The following KHDRBS2 variants were observed in gnomAD, a reference collection of about 807,000 sequenced individuals.
KHDRBS2 encodes KH domain-containing, RNA-binding, signal transduction-associated protein 2.
In KHDRBS2, 26 loss-of-function variants were observed where a neutral mutation model predicts 44.3. That is an observed-to-expected ratio of 0.59 (90% confidence interval 0.43 to 0.81). The LOEUF (loss-of-function observed/expected upper bound fraction) is 0.81, where lower values mean the gene tolerates loss of function less well. KHDRBS2 is among the 40% of genes least tolerant of loss of function. KHDRBS2 has a pLI of 0.00. For synonymous variants in KHDRBS2, 194 were observed against 151.1 expected, an observed-to-expected ratio of 1.28 and a Z score of -2.08; for missense variants, 476 against 433.1, an observed-to-expected ratio of 1.10 and a Z score of -0.88.
At chr6:62,026,986 C>T (rs902927460) in intron 3 of KHDRBS2, among the ~76,000 whole-genome samples, 2 of 150,578 alleles carry the variant, frequency 1.3e-5, no homozygotes, top group African/African-American at 4.9e-5. Flanking sequence ...AATTTTATTC[C>T]AATTATGGTT....
the KHDRBS2 span, among the ~76,000 whole-genome samples, chr6:61,640,067 GGT>G: frequency 3.3e-5 from 5 of 151,906 alleles, no homozygotes; most frequent in African/African-American, 1.2e-4. Flanking sequence ...AAGAATCTGT[GGT>G]ATGAGAAAGG....
At chr6:61,936,051 T>C (rs1516715) in intron 4 of KHDRBS2, among the ~76,000 whole-genome samples, 132,974 of 152,036 alleles carry the variant, frequency 0.87, 58,669 homozygotes, top group African/African-American at 0.97. Context: ...GTCTATGTAC[T>C]CAGAAACAAG....
intron 1 of KHDRBS2, among the ~76,000 whole-genome samples, chr6:62,201,388 G>A (rs1305280275): frequency 6.6e-6 from 1 of 152,186 alleles, no homozygotes; most frequent in Middle Eastern, 3.4e-3. Flanking sequence ...AGAAGGGGCT[G>A]TGAATCATTT....
At chr6:62,026,903 T>C (rs1182146217) in intron 3 of KHDRBS2, among the ~76,000 whole-genome samples, 3 of 152,158 alleles carry the variant, frequency 2.0e-5, no homozygotes, top group Non-Finnish European at 4.4e-5. Context: ...TGTCTAATAC[T>C]TTTTGGCCAG....
At chr6:61,561,743 A>T in the KHDRBS2 span, among the ~76,000 whole-genome samples, 1 of 152,138 alleles carries the variant, frequency 6.6e-6, no homozygotes, top group Non-Finnish European at 1.5e-5. Context: ...CCCTCAGGGC[A>T]GTGGGCTCCT....
At chr6:62,122,038 C>T (rs1159650323) in intron 2 of KHDRBS2, among the ~76,000 whole-genome samples, 1 of 151,998 alleles carries the variant, frequency 6.6e-6, no homozygotes, top group Non-Finnish European at 1.5e-5. Flanking sequence ...TGTGTTACTC[C>T]AGCCCATTTA....
chr6:62,138,557 C>T (rs1470137760), intron 2 of KHDRBS2, among the ~76,000 whole-genome samples: 4 of 152,116 alleles, frequency 2.6e-5, no homozygotes, highest in African/African-American at 4.8e-5. Context: ...GATTCTACAG[C>T]GAGTCGCTCA....
At chr6:62,026,440 T>TG (rs199909533) in intron 3 of KHDRBS2, among the ~76,000 whole-genome samples, 1 of 109,054 alleles carries the variant, frequency 9.2e-6, no homozygotes, top group Non-Finnish European at 2.3e-5. Flanking sequence ...TTATTATTAT[T>TG]TTTTTTTTTG....
chr6:61,853,415 T>C (rs567759146), intron 6 of KHDRBS2, among the ~76,000 whole-genome samples: 42 of 152,290 alleles, frequency 2.8e-4, no homozygotes, highest in African/African-American at 9.4e-4. Context: ...AAAAGTTGCA[T>C]AAACATAATT....
At chr6:61,868,456 C>G (rs968032291) in intron 6 of KHDRBS2, among the ~76,000 whole-genome samples, 1 of 152,136 alleles carries the variant, frequency 6.6e-6, no homozygotes, top group Admixed American at 6.5e-5. Context: ...AATCAGGGTC[C>G]TGCTTAATGT....
chr6:61,848,583 A>ATATATGTG (rs1794984222), intron 6 of KHDRBS2, among the ~76,000 whole-genome samples: 1 of 104,394 alleles, frequency 9.6e-6, no homozygotes, highest in South Asian at 3.1e-4. Flanking sequence ...ATACATATAT[A>ATATATGTG]TATATATATA....
At chr6:61,891,295 G>T (rs552735265) in intron 6 of KHDRBS2, among the ~76,000 whole-genome samples, 15 of 152,300 alleles carry the variant, frequency 9.8e-5, no homozygotes, top group African/African-American at 3.4e-4. Context: ...AGAAGACCAT[G>T]GTGGATAAGC....
At chr6:61,779,351 A>G (rs1311917825) in intron 6 of KHDRBS2, among the ~76,000 whole-genome samples, 1 of 152,150 alleles carries the variant, frequency 6.6e-6, no homozygotes, top group South Asian at 2.1e-4. Context: ...ATAGTGAAAG[A>G]CAGATTTTTG....
At chr6:61,602,578 A>G in the KHDRBS2 span, among the ~76,000 whole-genome samples, 1 of 152,094 alleles carries the variant, frequency 6.6e-6, no homozygotes, top group African/African-American at 2.4e-5. Context: ...CTGAACACTG[A>G]CACTGCCCGA....
intron 6 of KHDRBS2, among the ~76,000 whole-genome samples, chr6:61,820,234 A>G (rs1177955903): frequency 6.6e-6 from 1 of 152,044 alleles, no homozygotes; most frequent in Non-Finnish European, 1.5e-5. Context: ...AGATGACACT[A>G]GAAGACTTTC....
At chr6:61,841,378 A>AC (rs1793577014) in intron 6 of KHDRBS2, among the ~76,000 whole-genome samples, 1 of 151,876 alleles carries the variant, frequency 6.6e-6, no homozygotes, top group Admixed American at 6.6e-5. Flanking sequence ...GACATAAAAT[A>AC]ATTCAACTTG....
At chr6:62,182,431 A>C (rs2150126316) in intron 1 of KHDRBS2, among the ~76,000 whole-genome samples, 1 of 152,120 alleles carries the variant, frequency 6.6e-6, no homozygotes, top group African/African-American at 2.4e-5. Flanking sequence ...TGTTGGCTTA[A>C]AAATTTGCTA....
intron 1 of KHDRBS2, among the ~76,000 whole-genome samples, chr6:62,212,989 T>C (rs1829343157): frequency 6.6e-6 from 1 of 151,994 alleles, no homozygotes. Context: ...AATATTTCAG[T>C]AGAATATGGA....
At chr6:61,658,232 T>C in the KHDRBS2 span, among the ~76,000 whole-genome samples, 1 of 151,862 alleles carries the variant, frequency 6.6e-6, no homozygotes, top group Non-Finnish European at 1.5e-5. Flanking sequence ...CTTTCAAACC[T>C]GATTTTCATA....
Sources: allele counts gnomAD v4.1 joint callset (sites outside exome capture counted in the v4.1 genomes callset), GRCh38; gene constraint gnomAD v4.1.1; transcripts MANE v1.5; gene names NCBI Gene and HGNC (gene_info 2026-07-23, HGNC 2026-07-21).